SCEL: variants seen among roughly 807,000 people sequenced by gnomAD.
SCEL encodes sciellin.
In SCEL, 113 loss-of-function variants were observed where a neutral mutation model predicts 117.6. That is an observed-to-expected ratio of 0.96 (90% CI 0.83 to 1.12). The LOEUF is 1.12. Among genes scored for constraint, SCEL ranks in the 50% most tolerant of loss-of-function variants. The pLI, the probability that SCEL is intolerant of heterozygous loss-of-function variation, is 0.00. For synonymous variants in SCEL, 270 were observed against 256.2 expected, an observed-to-expected ratio of 1.05 and a Z score of -0.51; for missense variants, 785 against 810.8, an observed-to-expected ratio of 0.97 and a Z score of 0.39.
At chr13:77,544,645 T>C (rs774815940) in intron 1 of SCEL, among the ~76,000 whole-genome samples, 8 of 152,088 alleles carry the variant, frequency 5.3e-5, no homozygotes, top group African/African-American at 1.7e-4. Context: ...GGAGTGGCAA[T>C]TGGGTCACCT....
intron 9 of SCEL, among the ~76,000 whole-genome samples, chr13:77,575,190 G>A (rs1488188926): frequency 6.6e-6 from 1 of 151,818 alleles, no homozygotes; most frequent in South Asian, 2.1e-4. Flanking sequence ...AACTTGTGTT[G>A]TATTGTGTTT....
chr13:77,580,794 A>G (rs978149858), intron 9 of SCEL, among the ~76,000 whole-genome samples: 3 of 152,262 alleles, frequency 2.0e-5, no homozygotes, highest in East Asian at 3.8e-4. Flanking sequence ...TGATAAAATT[A>G]AAGTAGTAGA....
chr13:77,605,201 G>T (rs890272190), intron 19 of SCEL, among the ~76,000 whole-genome samples: 8 of 151,596 alleles, frequency 5.3e-5, no homozygotes, highest in Non-Finnish European at 1.0e-4. Context: ...AGTTAGCTCA[G>T]TTCATAATAT....
intron 9 of SCEL, among the ~76,000 whole-genome samples, chr13:77,587,860 G>A (rs1169866270): frequency 6.6e-6 from 1 of 152,012 alleles, no homozygotes; most frequent in Non-Finnish European, 1.5e-5. Flanking sequence ...GACTCCCTTA[G>A]TGATCTCTGC....
intron 24 of SCEL, among the ~76,000 whole-genome samples, chr13:77,614,733 A>G (rs2088900023): frequency 6.6e-6 from 1 of 152,140 alleles, no homozygotes. Flanking sequence ...TTTGCAGAAG[A>G]GGAAATTAAG....
chr13:77,644,306 C>T lies in SCEL; in HGVS notation c.*32C>T. On this transcript the variant is annotated 3_prime_UTR_variant, in exon 33 of 33. Transcript: ENST00000349847. ...CACAAGGAAATCAAGATGAAAAGCA[C>T]TCATTAAGGAATTAAAGTTACAAGT... 1 of 1,607,790 alleles carries T rather than the reference C, an allele frequency of 6.2e-7. No homozygotes were observed. Among genetic ancestry groups the T allele is most frequent in the African/African-American group, 1.3e-5 (1 of 74,842 alleles).
chr13:77,617,598 G>C lies in SCEL; in HGVS notation c.1452-1G>C, dbSNP rs766104570. On this transcript the variant is annotated splice_acceptor_variant, in intron 24 of 32. Coordinates refer to ENST00000349847, the MANE Select transcript of SCEL (RefSeq NM_144777.3). LOFTEE classifies it high-confidence loss of function. ...TGCTTTAATATTTTTTCCACTTAAAGAAAACAAGATCTTGATAAACTCATC... is the reference window on the plus strand; with the variant it reads ...TGCTTTAATATTTTTTCCACTTAAACAAAACAAGATCTTGATAAACTCATC... The C allele has an allele frequency of 7.0e-6, 11 of 1,578,106 alleles. No individual in the cohort carries two copies. Among genetic ancestry groups the C allele is most frequent in the Admixed American group, 5.4e-5 (3 of 55,606 alleles).
At chr13:77,602,851 T>G (rs2087814803) in intron 17 of SCEL, 138 bp downstream of exon 17, 1 of 714,224 alleles carries the variant, frequency 1.4e-6, no homozygotes, top group Non-Finnish European at 2.3e-6. Flanking sequence ...CTTCAAAGAA[T>G]CTACAGTATA....
intron 27 of SCEL, 67 bp downstream of exon 27, chr13:77,618,127 T>A: frequency 2.7e-6 from 3 of 1,110,394 alleles, no homozygotes; most frequent in Non-Finnish European, 4.2e-6. Flanking sequence ...CCTCCCTCCT[T>A]GCCTCCCTGC....
chr13:77,565,136 T>C (rs2085216439), intron 5 of SCEL, among the ~76,000 whole-genome samples: 1 of 152,206 alleles, frequency 6.6e-6, no homozygotes, highest in Admixed American at 6.5e-5. Context: ...TGAACGTTTA[T>C]GTCAGGCCAG....
intron 1 of SCEL, among the ~76,000 whole-genome samples, chr13:77,549,196 C>G (rs2084162267): frequency 6.6e-6 from 1 of 152,156 alleles, no homozygotes; most frequent in Non-Finnish European, 1.5e-5. Context: ...TGAGAGTTCT[C>G]TTTTCTCTGC....
At chr13:77,539,710 A>G (rs624083) in intron 1 of SCEL, among the ~76,000 whole-genome samples, 6,498 of 151,902 alleles carry the variant, frequency 0.043, 470 homozygotes, top group African/African-American at 0.15. Flanking sequence ...GATTTTTTGT[A>G]TTTTTAGTAG....
chr13:77,593,299 T>TGTGCGCGCGC (rs2087014948), intron 11 of SCEL, among the ~76,000 whole-genome samples: 1 of 109,028 alleles, frequency 9.2e-6, no homozygotes, highest in African/African-American at 3.4e-5. Context: ...TGTGTGTGTC[T>TGTGCGCGCGC]GTGTGTGTGT....
Position 77,608,086 on chromosome 13 carries a change from G to T in SCEL, c.1188G>T (p.Val396=). The T allele has an allele frequency of 1.2e-6, 2 of 1,613,486 alleles. No homozygotes were observed. Among genetic ancestry groups the T allele is most frequent in the Non-Finnish European group, 1.7e-6 (2 of 1,179,626 alleles). The change falls in exon 20 of 33, where the codon GTG becomes GTT. Residue 396 remains valine (V), a synonymous_variant. Coordinates refer to ENST00000349847, the MANE Select transcript of SCEL (RefSeq NM_144777.3). The part of the protein sequence containing the change: ...RGQSLDNLIK[V]TPEVKRSNQG... ...AGAGCCTTGATAATCTCATCAAAGT[G>T]ACCCCTGAAGTAAAGAGAAGTAACC... is the stretch of plus-strand genomic sequence containing the variant.
chr13:77,608,985 T>C (rs1469510871), intron 20 of SCEL, 73 bp from the exon 21 acceptor site: 20 of 1,187,706 alleles, frequency 1.7e-5, no homozygotes, highest in Non-Finnish European at 2.2e-5. Context: ...AGTACATGTA[T>C]CCTTTAAATC....
In SCEL at chr13:77,622,738, G is replaced by A. The variant is rs80156311; in HGVS notation, c.1628+4678G>A. On this transcript the variant is annotated intron_variant, in intron 27 of 32. Transcript: ENST00000349847. ...TTAGCTGGGTGCGATGGCATGCACC[G>A]GTAGTCCCAGTTACTTGGGAAGCTA... Among the ~76,000 whole-genome samples the A allele has an allele frequency of 9.9e-4, 150 of 152,172 alleles. 2 individuals are homozygous for A. The South Asian group carries it at 0.017, about 18-fold the overall frequency.
intron 7 of SCEL, among the ~76,000 whole-genome samples, chr13:77,569,106 G>C (rs1044911727): frequency 9.9e-5 from 15 of 152,226 alleles, no homozygotes; most frequent in Non-Finnish European, 1.9e-4. Context: ...GAATTGATTT[G>C]TCTGAATTTC....
chr13:77,601,576 A>T (rs1008880189), intron 15 of SCEL, among the ~76,000 whole-genome samples: 4 of 152,212 alleles, frequency 2.6e-5, no homozygotes, highest in African/African-American at 9.6e-5. Context: ...GGACCATAAC[A>T]GTTATTTTGA....
chr13:77,601,131 T>G (rs1423041817), intron 15 of SCEL, among the ~76,000 whole-genome samples: 1 of 137,086 alleles, frequency 7.3e-6, no homozygotes, highest in Non-Finnish European at 1.6e-5. Context: ...TTTTTTTTTG[T>G]ACATGGCTAT....
Sources: gnomAD v4.1 joint callset for allele counts (sites outside exome capture counted in the v4.1 genomes callset) on GRCh38, gnomAD v4.1.1 for gene constraint, MANE v1.5 for transcripts, NCBI Gene and HGNC (gene_info 2026-07-23, HGNC 2026-07-21) for gene names.